GLB1L3: variants seen among roughly 807,000 people sequenced by gnomAD.
GLB1L3 encodes the protein galactosidase beta 1 like 3.
Under a neutral mutation model 89.5 loss-of-function variants are expected in GLB1L3, and 89 were observed. That is an observed-to-expected ratio of 0.99 (90% CI 0.84 to 1.19). The LOEUF is 1.19. GLB1L3 is among the 50% of genes most tolerant of loss of function. The pLI, the probability that GLB1L3 is intolerant of heterozygous loss-of-function variation, is 0.00. For synonymous variants in GLB1L3, 314 were observed against 312.3 expected, an observed-to-expected ratio of 1.01 and a Z score of -0.06; for missense variants, 812 against 813.3, an observed-to-expected ratio of 1.00 and a Z score of 0.02.
intron 7 of GLB1L3, among the ~76,000 whole-genome samples, chr11:134,291,584 A>G (rs1037002035): frequency 2.6e-5 from 4 of 152,130 alleles, no homozygotes; most frequent in Non-Finnish European, 4.4e-5. Flanking sequence ...AATACCCAAT[A>G]TGATGTAAAT....
At chr11:134,291,949 C>T (rs1046612871) in intron 7 of GLB1L3, among the ~76,000 whole-genome samples, 183 bp from the exon 8 acceptor site, 2 of 152,024 alleles carry the variant, frequency 1.3e-5, no homozygotes, top group South Asian at 2.1e-4. Context: ...CACTCCAGCC[C>T]GGGGAAACAC....
chr11:134,277,956 G>A, intron 3 of GLB1L3, 44 bp downstream of exon 3: 2 of 1,594,226 alleles, frequency 1.3e-6, no homozygotes, highest in South Asian at 1.1e-5. Flanking sequence ...TACCCTACAA[G>A]TGCATCCTGG....
intron 5 of GLB1L3, among the ~76,000 whole-genome samples, chr11:134,282,952 T>G (rs1940779229): frequency 6.6e-6 from 1 of 152,322 alleles, no homozygotes; most frequent in South Asian, 2.1e-4. Flanking sequence ...ACTTCCCCAG[T>G]GACCTGGAGT....
chr11:134,312,236 C>G (rs1942766862), intron 13 of GLB1L3, 113 bp from the exon 14 acceptor site: 1 of 1,184,652 alleles, frequency 8.4e-7, no homozygotes, highest in Non-Finnish European at 1.2e-6. Flanking sequence ...TCATCATTTC[C>G]CATTTGAAGA....
Position 134,277,332 on chromosome 11 carries a change from T to C in GLB1L3, c.30T>C (p.Cys10=). The change falls in exon 2 of 20, where the codon TGT becomes TGC. Residue 10 remains cysteine (C), a synonymous_variant. Transcript: ENST00000431683. MKSPPLLSP[C]LSWKRMAGIF... is the part of the protein sequence containing the mutation. ...TTGTCCTTTCTCCTTTCAGCCCGTGTCTCTCCTGGAAGAGAATGGCGGGCA... is the reference window on the plus strand; with the variant it reads ...TTGTCCTTTCTCCTTTCAGCCCGTGCCTCTCCTGGAAGAGAATGGCGGGCA... The C allele has an allele frequency of 1.2e-6, 2 of 1,613,930 alleles. No individual in the cohort carries two copies. Among genetic ancestry groups the C allele is most frequent in the Non-Finnish European group, 8.5e-7 (1 of 1,179,884 alleles).
Position 134,305,156 on chromosome 11 carries a change from A to G in GLB1L3, c.877-1968A>G, listed in dbSNP as rs943354842. 8 of 1,436,692 alleles carry G rather than the reference A, an allele frequency of 5.6e-6. No homozygotes were observed. The African/African-American group carries it at 9.9e-5, about 18-fold the overall frequency. The allele number at this position is 1,436,692 out of a possible 1,614,324, so 89.0% of individuals were successfully genotyped here. ...CAGGACTGCTCTCAGATGCCTCACA[A>G]GCAGCAACTTCTTCCTCCTTATAGT... On this transcript the variant is annotated intron_variant, in intron 9 of 19. Transcript: ENST00000431683.
chr11:134,320,391 CTA>C (rs1211983556), downstream of GLB1L3, among the ~76,000 whole-genome samples: 1 of 152,110 alleles, frequency 6.6e-6, no homozygotes, highest in African/African-American at 2.4e-5. Context: ...CCTATGAACT[CTA>C]TAGAAACTGC....
At chr11:134,276,816 G>C in intron 1 of GLB1L3, 53 bp downstream of exon 1, 1 of 1,345,624 alleles carries the variant, frequency 7.4e-7, no homozygotes, top group Non-Finnish European at 9.6e-7. Flanking sequence ...GCGCGTGCCC[G>C]GGAGCCTCCA....
intron 9 of GLB1L3, among the ~76,000 whole-genome samples, chr11:134,298,830 C>A (rs919154575): frequency 6.6e-6 from 1 of 152,162 alleles, no homozygotes; most frequent in African/African-American, 2.4e-5. Flanking sequence ...CAATTACATC[C>A]TAGTGAGATT....
chr11:134,307,331 C>A, intron 10 of GLB1L3, 123 bp downstream of exon 10: 1 of 695,794 alleles, frequency 1.4e-6, no homozygotes. Flanking sequence ...CAACTTTTCA[C>A]ATACAAGCAC....
chr11:134,309,695 G>T lies in GLB1L3; in HGVS notation c.1031G>T (p.Gly344Val), dbSNP rs774183201. The part of the protein sequence containing the change: ...ISFNVYMFHG[G>V]TNFGFMNGAT... Reference sequence around the variant, plus strand: ...TTCAATGTATATATGTTCCATGGTGGAACCAACTTTGGTTTCATGAACGGG... The same window carrying T: ...TTCAATGTATATATGTTCCATGGTGTAACCAACTTTGGTTTCATGAACGGG... Residue 344 changes from glycine to valine, a missense_variant, in exon 11 of 20, where the codon GGA becomes GTA. Transcript: ENST00000431683. 5.0e-6 allele frequency: 8 copies of T among 1,613,158 alleles called. No individual in the cohort carries two copies. The highest frequency in any genetic ancestry group is 6.8e-6 in the Non-Finnish European group (8 of 1,179,538).
chr11:134,284,836 C>T (rs756194748), intron 6 of GLB1L3, among the ~76,000 whole-genome samples: 19 of 151,782 alleles, frequency 1.3e-4, no homozygotes, highest in African/African-American at 3.9e-4. Flanking sequence ...CCCCCCATTC[C>T]GTGTCTGTGT....
chr11:134,288,836 G>A lies in GLB1L3; in HGVS notation c.675G>A (p.Glu225=). ...QAGPVIAVQV[E]NEYGSFNKDK... is the part of the protein sequence containing the mutation. Reference sequence around the variant, plus strand: ...GCCCTGTCATCGCGGTGCAAGTGGAGAATGAGTATGGCTCATTCAATAAGG... The same window carrying A: ...GCCCTGTCATCGCGGTGCAAGTGGAAAATGAGTATGGCTCATTCAATAAGG... Residue 225 remains glutamate, a synonymous_variant, in exon 7 of 20, where the codon GAG becomes GAA. Coordinates refer to ENST00000431683, the MANE Select transcript of GLB1L3 (RefSeq NM_001080407.3). The A allele has an allele frequency of 6.2e-7, 1 of 1,613,590 alleles. No homozygotes were observed. Among genetic ancestry groups the A allele is most frequent in the Non-Finnish European group, 8.5e-7 (1 of 1,179,702 alleles).
intron 9 of GLB1L3, chr11:134,304,991 C>G (rs930017322): frequency 1.0e-6 from 1 of 966,064 alleles, no homozygotes; most frequent in Non-Finnish European, 1.4e-6. Context: ...TGAGAGCCCG[C>G]ATGCGACTGC....
At chr11:134,298,293 G>T (rs1156581882) in intron 9 of GLB1L3, among the ~76,000 whole-genome samples, 1 of 152,072 alleles carries the variant, frequency 6.6e-6, no homozygotes, top group Non-Finnish European at 1.5e-5. Flanking sequence ...GAAAAGGAGA[G>T]AATACTTCTA....
At chr11:134,308,203 TACCACCACC>T (rs1356980088) in intron 10 of GLB1L3, among the ~76,000 whole-genome samples, 3 of 30,682 alleles carry the variant, frequency 9.8e-5, no homozygotes, top group South Asian at 2.8e-3. Context: ...CCATCACCAC[TACCACCACC>T]ACCATCACCA....
Position 134,288,854 on chromosome 11 carries a change from C to G in GLB1L3, c.693C>G (p.Phe231Leu), listed in dbSNP as rs369656133. 6.2e-7 allele frequency: 1 copy of G among 1,612,900 alleles called. No homozygotes were observed. Among genetic ancestry groups the G allele is most frequent in the African/African-American group, 1.3e-5 (1 of 74,824 alleles). Reference protein sequence around the residue: ...AVQVENEYGSFNKDKTYMPYL... With the variant: ...AVQVENEYGSLNKDKTYMPYL... ...AAGTGGAGAATGAGTATGGCTCATT[C>G]AATAAGGATAAAACATACATGCCGT... The change falls in exon 7 of 20, where the codon TTC becomes TTG. Residue 231 changes from phenylalanine to leucine, a missense_variant. Around this residue, in one of 3 missense-constraint regions of GLB1L3, gnomAD observed 618 missense variants for 604.0 expected, o/e 1.02. Transcript: ENST00000431683.
intron 18 of GLB1L3, chr11:134,316,691 GT>G (rs964680159): frequency 4.4e-4 from 67 of 152,276 alleles, no homozygotes; most frequent in African/African-American, 1.5e-3. Flanking sequence ...AAAAGAGAAG[GT>G]CTGCAAATTA....
chr11:134,313,857 A>C lies in GLB1L3; in HGVS notation c.1580-84A>C, dbSNP rs1942862481. 4 of 861,446 alleles carry C rather than the reference A, an allele frequency of 4.6e-6. No homozygotes were observed. In the South Asian group the frequency reaches 5.7e-5, roughly 12 times the overall value. The allele number at this position is 861,446 out of a possible 1,614,324, so 53.4% of individuals were successfully genotyped here. A position where few individuals can be genotyped will look rare whatever the true frequency, so the allele number is the denominator to read the frequency against. ...GTGCCCCTGTCCTAAGGCATGTACAAGTCTGCATTGCTTTGTCCCAGATGC... is the reference window on the plus strand; with the variant it reads ...GTGCCCCTGTCCTAAGGCATGTACACGTCTGCATTGCTTTGTCCCAGATGC... On this transcript the variant is annotated intron_variant, in intron 16 of 19. Transcript: ENST00000431683.
Sources: gnomAD v4.1 joint callset for allele counts (sites outside exome capture counted in the v4.1 genomes callset) on GRCh38, gnomAD v4.1.1 for gene constraint, gnomAD v4.1.1 regional missense constraint, MANE v1.5 for transcripts, NCBI Gene and HGNC (gene_info 2026-07-23, HGNC 2026-07-21) for gene names.